The following FMN2 variants were observed in gnomAD, a reference collection of about 807,000 sequenced individuals.
FMN2 encodes formin 2.
In FMN2, 51 loss-of-function variants were observed where a neutral mutation model predicts 142.3. That is an observed-to-expected ratio of 0.36 (90% CI 0.29 to 0.45). The LOEUF (loss-of-function observed/expected upper bound fraction) is 0.45, where lower values mean the gene tolerates loss of function less well. Among genes scored for constraint, FMN2 ranks in the 20% least tolerant of loss-of-function variants. The probability of loss-of-function intolerance (pLI) is 1.00; values close to 1 mark genes in which losing one functional copy is unlikely to be tolerated. For missense variants in FMN2, 1,936 were observed against 2,122.8 expected (o/e 0.91, Z 1.73); for synonymous variants, 882 against 869.8 (o/e 1.01, Z -0.25).
At chr1:240,257,093 G>A (rs1558396797) in intron 6 of FMN2, among the ~76,000 whole-genome samples, 1 of 152,128 alleles carries the variant, frequency 6.6e-6, no homozygotes, top group Non-Finnish European at 1.5e-5. Context: ...AAAACACTGG[G>A]AGTAAATAGA....
At chr1:240,226,442 T>C (rs764216733) in intron 6 of FMN2, among the ~76,000 whole-genome samples, 10 of 152,168 alleles carry the variant, frequency 6.6e-5, no homozygotes, top group Non-Finnish European at 1.2e-4. Context: ...TGAGAGTTTT[T>C]CTAAAATGGA....
At chr1:240,429,874 G>GT (rs142935410) in intron 15 of FMN2, among the ~76,000 whole-genome samples, 8,304 of 144,928 alleles carry the variant, frequency 0.057, 824 homozygotes, top group African/African-American at 0.2. Flanking sequence ...TTCCTTTTTT[G>GT]TTTTTTTTTG....
intron 7 of FMN2, among the ~76,000 whole-genome samples, chr1:240,272,856 T>C (rs570634031): frequency 6.6e-6 from 1 of 152,308 alleles, no homozygotes; most frequent in African/African-American, 2.4e-5. Context: ...ATCTTTATTT[T>C]CTCAGCCAAA....
chr1:240,150,146 C>A (rs75593572), intron 2 of FMN2, among the ~76,000 whole-genome samples: 2,278 of 152,218 alleles, frequency 0.015, 57 homozygotes, highest in African/African-American at 0.053. Flanking sequence ...GCTCCTTTAG[C>A]TAAATGATTA....
At chr1:240,427,362 C>T (rs12096830) in intron 15 of FMN2, among the ~76,000 whole-genome samples, 15,051 of 151,620 alleles carry the variant, frequency 0.099, 2,517 homozygotes, top group African/African-American at 0.34. Context: ...CCCGCCACCG[C>T]GCCCAGCTAA....
intron 15 of FMN2, among the ~76,000 whole-genome samples, chr1:240,414,243 G>A (rs1039098035): frequency 2.0e-5 from 3 of 152,130 alleles, no homozygotes; most frequent in Non-Finnish European, 2.9e-5. Context: ...GATGAGGAGG[G>A]GCTGCAGGGC....
At chr1:240,284,779 G>A (rs1669529988) in intron 7 of FMN2, among the ~76,000 whole-genome samples, 1 of 152,124 alleles carries the variant, frequency 6.6e-6, no homozygotes, top group Non-Finnish European at 1.5e-5. Context: ...AATAGGCAAT[G>A]TAGTGAGTAA....
At chr1:240,181,195 G>A (rs1386322327) in intron 3 of FMN2, among the ~76,000 whole-genome samples, 1 of 151,572 alleles carries the variant, frequency 6.6e-6, no homozygotes, top group Non-Finnish European at 1.5e-5. Context: ...GTAGAAACGG[G>A]GTTTCACCAT....
chr1:240,156,566 T>C (rs192817468), intron 2 of FMN2, among the ~76,000 whole-genome samples: 1 of 152,266 alleles, frequency 6.6e-6, no homozygotes, highest in African/African-American at 2.4e-5. Flanking sequence ...GTCTCTGAAA[T>C]AGACTGTGCA....
chr1:240,397,998 CTTTTT>C (rs35919747), intron 15 of FMN2, among the ~76,000 whole-genome samples: 2 of 140,818 alleles, frequency 1.4e-5, no homozygotes, highest in African/African-American at 5.2e-5. Context: ...TAGGCAAGAT[CTTTTT>C]TTTTTTTTTT....
intron 6 of FMN2, among the ~76,000 whole-genome samples, chr1:240,238,332 C>T (rs996092820): frequency 6.6e-6 from 1 of 152,138 alleles, no homozygotes; most frequent in African/African-American, 2.4e-5. Context: ...ATATGTTTAA[C>T]ATTGTGTATC....
intron 1 of FMN2, among the ~76,000 whole-genome samples, chr1:240,113,572 A>AT (rs1370230588): frequency 7.3e-5 from 11 of 151,448 alleles, no homozygotes; most frequent in Non-Finnish European, 1.3e-4. Flanking sequence ...AAAAAAAAAA[A>AT]AAAAAAATAA....
chr1:240,230,243 C>T lies in FMN2; in HGVS notation c.4065+19008C>T, dbSNP rs1292809613. ...TTGAGAGGCTGAGGCAGGAGGATCG[C>T]TTAAGCCCAGGAGGTCAAGGCTGCA... On this transcript the variant is annotated intron_variant, in intron 6 of 17. Transcript: ENST00000319653. Among the ~76,000 whole-genome samples, 7 of 129,956 alleles carry T rather than the reference C, an allele frequency of 5.4e-5. 2 individuals are homozygous for T. The highest frequency in any genetic ancestry group is 8.0e-5 in the Non-Finnish European group (5 of 62,412). The allele number at this position is 129,956 out of a possible 152,430, so 85.3% of individuals were successfully genotyped here. A position where few individuals can be genotyped will look rare whatever the true frequency, so the allele number is the denominator to read the frequency against.
At position 240,287,879 on chromosome 1, in the gene FMN2, C is replaced by A. The variant is rs116362181; in HGVS notation, c.4154-6943C>A. Among the ~76,000 whole-genome samples, 947 of 152,250 alleles carry A rather than the reference C, an allele frequency of 6.2e-3. 9 individuals carry two copies. Among genetic ancestry groups the A allele is most frequent in the African/African-American group, 0.021 (871 of 41,542 alleles). Reference sequence around the variant, plus strand: ...GGAACTTGAGACTCTCTGGGTTATGCAGATAATAAGTTGTGTGGTCACTGT... The same window carrying A: ...GGAACTTGAGACTCTCTGGGTTATGAAGATAATAAGTTGTGTGGTCACTGT... On this transcript the variant is annotated intron_variant, in intron 7 of 17. Coordinates refer to ENST00000319653, the MANE Select transcript of FMN2 (RefSeq NM_020066.5).
chr1:240,207,343 C>CT lies in FMN2; in HGVS notation c.2532dup (p.Val845CysfsTer6). ...GAGTTTCAAACCAGCCACGAACACT[C>CT]TGTTTCCTCTGCCTTTAAAAACAGC... On this transcript the variant is annotated frameshift_variant, in exon 5 of 18. Coordinates refer to ENST00000319653, the MANE Select transcript of FMN2 (RefSeq NM_020066.5). LOFTEE classifies it high-confidence loss of function. The CT allele has an allele frequency of 6.2e-7, 1 of 1,613,840 alleles. No homozygotes were observed. Among genetic ancestry groups the CT allele is most frequent in the Admixed American group, 1.7e-5 (1 of 60,000 alleles).
chr1:240,310,961 G>A (rs1012713552), intron 8 of FMN2, among the ~76,000 whole-genome samples: 1 of 151,596 alleles, frequency 6.6e-6, no homozygotes, highest in African/African-American at 2.4e-5. Flanking sequence ...TATTCAACCA[G>A]ACCAAAACCT....
intron 2 of FMN2, among the ~76,000 whole-genome samples, chr1:240,161,546 A>G (rs567798382): frequency 4.6e-5 from 7 of 151,730 alleles, no homozygotes; most frequent in African/African-American, 1.7e-4. Context: ...AAAAAAAAAA[A>G]TACAAGTGGA....
At chr1:240,281,630 G>A (rs972629033) in intron 7 of FMN2, among the ~76,000 whole-genome samples, 1 of 152,130 alleles carries the variant, frequency 6.6e-6, no homozygotes, top group Admixed American at 6.6e-5. Context: ...TTAAAAGCAT[G>A]TCTCTCGAGA....
Position 240,207,094 on chromosome 1 carries a change from A to T in FMN2, c.2282A>T (p.Asp761Val). Reference protein sequence around the residue: ...EGGVLTLPPVDGLPGRPPCPP... With the variant: ...EGGVLTLPPVVGLPGRPPCPP... ...GGGGTGCTGACACTGCCTCCTGTGG[A>T]TGGGCTGCCAGGGCGTCCTCCATGC... Residue 761 changes from aspartate to valine, a missense_variant, in exon 5 of 18, where the codon GAT becomes GTT. Physicochemically the swap from Asp to Val is radical, Grantham distance 152. Coordinates refer to ENST00000319653, the MANE Select transcript of FMN2 (RefSeq NM_020066.5). 1 of 1,614,068 alleles carries T rather than the reference A, an allele frequency of 6.2e-7. No individual in the cohort carries two copies. The highest frequency in any genetic ancestry group is 8.5e-7 in the Non-Finnish European group (1 of 1,179,980).
Sources: gnomAD v4.1 joint callset for allele counts (sites outside exome capture counted in the v4.1 genomes callset) on GRCh38, gnomAD v4.1.1 for gene constraint, MANE v1.5 for transcripts, NCBI Gene and HGNC (gene_info 2026-07-23, HGNC 2026-07-21) for gene names.